Variants in ATF7 observed in about 807,000 individuals in gnomAD.
The protein encoded by ATF7 is activating transcription factor 7, also known as cyclic AMP-dependent transcription factor ATF-7.
Under a neutral mutation model 50.4 loss-of-function variants are expected in ATF7, and 10 were observed. The observed-to-expected ratio is 0.20, with a 90% confidence interval of 0.12 to 0.34. The LOEUF is 0.34. ATF7 is among the 10% of genes least tolerant of loss of function. The pLI is 1.00. For missense variants in ATF7, 465 were observed against 613.9 expected, an observed-to-expected ratio of 0.76 and a Z score of 2.56; for synonymous variants, 201 against 226.4, an observed-to-expected ratio of 0.89 and a Z score of 1.01.
intron 4 of ATF7, among the ~76,000 whole-genome samples, chr12:53,542,358 C>T (rs1308742545): frequency 1.3e-5 from 2 of 151,290 alleles, no homozygotes; most frequent in East Asian, 2.0e-4. Context: ...ACCTGGGAGG[C>T]GGAGCTTGCA....
At chr12:53,544,449 A>T (rs946796656) in intron 3 of ATF7, among the ~76,000 whole-genome samples, 5 of 152,196 alleles carry the variant, frequency 3.3e-5, no homozygotes, top group African/African-American at 1.2e-4. Flanking sequence ...ACCTGGGGTT[A>T]AGATCACCCC....
At chr12:53,543,209 T>C (rs1165566775) in intron 4 of ATF7, 121 bp downstream of exon 4, 1 of 1,548,054 alleles carries the variant, frequency 6.5e-7, no homozygotes, top group Admixed American at 2.0e-5. Context: ...GTTTTACTGG[T>C]TTTACTCTAC....
chr12:53,520,537 C>T (rs1938056298), intron 11 of ATF7, among the ~76,000 whole-genome samples: 1 of 152,104 alleles, frequency 6.6e-6, no homozygotes, highest in South Asian at 2.1e-4. Flanking sequence ...CAAAAAATCC[C>T]AAACCAAACA....
At chr12:53,534,687 A>G in intron 5 of ATF7, 28 bp from the exon 6 acceptor site, 2 of 1,604,992 alleles carry the variant, frequency 1.2e-6, no homozygotes, top group Non-Finnish European at 1.7e-6. Context: ...ACAGATCACA[A>G]AATGTTTTAA....
chr12:53,527,210 G>T (rs975207434), intron 9 of ATF7, among the ~76,000 whole-genome samples: 1 of 151,796 alleles, frequency 6.6e-6, no homozygotes, highest in Non-Finnish European at 1.5e-5. Context: ...GAGGCCAGGC[G>T]CAGTGGCTTA....
At chr12:53,564,225 A>G (rs919014542) in intron 2 of ATF7, among the ~76,000 whole-genome samples, 2 of 152,210 alleles carry the variant, frequency 1.3e-5, no homozygotes, top group Non-Finnish European at 2.9e-5. Context: ...AAATATAAAA[A>G]TTAGCTGGAC....
intron 2 of ATF7, among the ~76,000 whole-genome samples, chr12:53,583,977 T>G (rs1232065674): frequency 1.3e-5 from 2 of 151,944 alleles, no homozygotes; most frequent in Non-Finnish European, 2.9e-5. Flanking sequence ...ATACAGATAA[T>G]TGTTATTAGT....
intron 1 of ATF7, among the ~76,000 whole-genome samples, chr12:53,618,060 TC>T (rs1944217379): frequency 6.6e-6 from 1 of 152,242 alleles, no homozygotes; most frequent in African/African-American, 2.4e-5. Flanking sequence ...ATAAAATGAC[TC>T]CAATGCAAAA....
intron 1 of ATF7, among the ~76,000 whole-genome samples, chr12:53,603,088 A>G (rs895969255): frequency 1.3e-5 from 2 of 152,228 alleles, no homozygotes; most frequent in Non-Finnish European, 2.9e-5. Context: ...CAAGGGCTAG[A>G]GTAGACACAA....
At chr12:53,623,853 T>C (rs1349278869) in intron 1 of ATF7, among the ~76,000 whole-genome samples, 2 of 152,072 alleles carry the variant, frequency 1.3e-5, no homozygotes, top group African/African-American at 2.4e-5. Context: ...TCATTTTGGG[T>C]TGGAAATGAG....
At chr12:53,544,692 A>G (rs2683513) in intron 3 of ATF7, among the ~76,000 whole-genome samples, 142,227 of 152,116 alleles carry the variant, frequency 0.93, 67,200 homozygotes, top group East Asian at 1. Context: ...AGGTTGCAGT[A>G]AGCCGAGATC....
chr12:53,577,442 CGCG>C (rs1942137280), intron 2 of ATF7, among the ~76,000 whole-genome samples: 1 of 151,860 alleles, frequency 6.6e-6, no homozygotes, highest in Non-Finnish European at 1.5e-5. Flanking sequence ...CACGGCCGGG[CGCG>C]GTGGCTCATT....
downstream of ATF7, chr12:53,508,098 G>A (rs1565905741): frequency 1.3e-5 from 2 of 151,862 alleles, no homozygotes; most frequent in South Asian, 4.2e-4. Context: ...TTTTGAGATG[G>A]AGTTTCGCTC....
intron 2 of ATF7, among the ~76,000 whole-genome samples, chr12:53,596,395 A>G (rs1251640142): frequency 1.3e-5 from 2 of 149,398 alleles, no homozygotes; most frequent in African/African-American, 2.4e-5. Flanking sequence ...CTAACTCTCC[A>G]TGAGTAGTAT....
At chr12:53,547,434 C>T (rs1325331635) in intron 3 of ATF7, among the ~76,000 whole-genome samples, 1 of 151,762 alleles carries the variant, frequency 6.6e-6, no homozygotes, top group East Asian at 1.9e-4. Context: ...TTCAGGTGTG[C>T]ACCACCATGC....
chr12:53,526,167 C>A (rs980370435), intron 9 of ATF7, among the ~76,000 whole-genome samples: 3 of 149,384 alleles, frequency 2.0e-5, no homozygotes, highest in African/African-American at 7.4e-5. Context: ...GAGATTGAGC[C>A]ACTGCACTCC....
intron 1 of ATF7, among the ~76,000 whole-genome samples, chr12:53,605,847 T>A (rs1172210497): frequency 6.6e-6 from 1 of 152,214 alleles, no homozygotes; most frequent in African/African-American, 2.4e-5. Context: ...CAGTAGATAT[T>A]CAATAAATAT....
intron 11 of ATF7, among the ~76,000 whole-genome samples, chr12:53,520,857 C>T (rs1239736062): frequency 6.6e-6 from 1 of 152,138 alleles, no homozygotes; most frequent in Non-Finnish European, 1.5e-5. Flanking sequence ...AACTTCAAAA[C>T]ATATCCTGGA....
intron 4 of ATF7, among the ~76,000 whole-genome samples, chr12:53,538,401 T>C (rs1229789249): frequency 6.6e-6 from 1 of 152,166 alleles, no homozygotes; most frequent in South Asian, 2.1e-4. Flanking sequence ...TGGTGCTGGA[T>C]GTATCAGGTA....
Sources: allele counts gnomAD v4.1 joint callset (sites outside exome capture counted in the v4.1 genomes callset), GRCh38; gene constraint gnomAD v4.1.1; transcripts MANE v1.5; gene names NCBI Gene and HGNC (gene_info 2026-07-23, HGNC 2026-07-21).